The following CCNH variants were observed in gnomAD, a reference collection of about 807,000 sequenced individuals.
CCNH encodes cyclin-H.
Under a neutral mutation model 41.9 loss-of-function variants are expected in CCNH, and 31 were observed. That is an observed-to-expected ratio of 0.74 (90% confidence interval 0.56 to 1.00). The LOEUF is 1.00. Ranked by LOEUF, CCNH falls within the 50% of genes least tolerant of loss-of-function variation. The pLI, the probability that CCNH is intolerant of heterozygous loss-of-function variation, is 0.00. For synonymous variants in CCNH, 138 were observed against 136.1 expected, an observed-to-expected ratio of 1.01 and a Z score of -0.10; for missense variants, 362 against 388.4, an observed-to-expected ratio of 0.93 and a Z score of 0.57.
Position 87,369,873 on chromosome 5 carries a change from T to C in CCNH, c.*90+22897A>G, listed in dbSNP as rs941056921. ...GTGAAGAACATTACATCTTTTACTT[T>C]GCAGGAGAAACTCCAGAACAAGCAG... On this transcript the variant is annotated intron_variant and NMD_transcript_variant, in intron 9 of 9. Coordinates refer to the CCNH transcript ENST00000645953. 2 of 1,611,622 alleles carry C rather than the reference T, an allele frequency of 1.2e-6. No homozygotes were observed. Among genetic ancestry groups the C allele is most frequent in the Non-Finnish European group, 1.7e-6 (2 of 1,178,180 alleles).
intron 9 of CCNH, among the ~76,000 whole-genome samples, chr5:87,321,812 C>T (rs1376021015): frequency 6.6e-6 from 1 of 152,176 alleles, no homozygotes; most frequent in Non-Finnish European, 1.5e-5. Flanking sequence ...TCAGCACTTT[C>T]CCCAATGGGA....
At chr5:87,340,099 T>A (rs77813554) in intron 9 of CCNH, among the ~76,000 whole-genome samples, 112 of 152,276 alleles carry the variant, frequency 7.4e-4, no homozygotes, top group Middle Eastern at 3.4e-3. Flanking sequence ...TTAGTAGGCA[T>A]TCAGAAAATG....
chr5:87,408,948 G>C lies in CCNH; in HGVS notation c.314+342C>G, dbSNP rs3093789. 6.8e-3 allele frequency: 1,181 copies of C among 173,158 alleles called. 17 individuals carry two copies. Among genetic ancestry groups the C allele is most frequent in the African/African-American group, 0.027 (1,143 of 42,146 alleles). 10.7% of individuals were successfully genotyped at this position (173,158 alleles called of 1,614,324 possible). ...AAGCTATAGGATCCGTAAACTGACT[G>C]GATGTGGGAGGGGCCACTATAAATG... is the stretch of plus-strand genomic sequence containing the variant. On this transcript the variant is annotated intron_variant, in intron 3 of 8. Transcript: ENST00000256897.
chr5:87,357,244 A>G (rs185212505), intron 9 of CCNH, among the ~76,000 whole-genome samples: 2 of 151,876 alleles, frequency 1.3e-5, no homozygotes, highest in Non-Finnish European at 2.9e-5. Flanking sequence ...ATAAATATAT[A>G]TATGTTTTAT....
At chr5:87,403,923 G>T (rs549828695) in intron 5 of CCNH, among the ~76,000 whole-genome samples, 1 of 152,312 alleles carries the variant, frequency 6.6e-6, no homozygotes, top group Admixed American at 6.5e-5. Flanking sequence ...GTGCATAGTA[G>T]TACATAGAAG....
chr5:87,362,712 G>A (rs777265063), intron 9 of CCNH: 7 of 1,584,406 alleles, frequency 4.4e-6, no homozygotes, highest in Non-Finnish European at 6.1e-6. Context: ...TGATAGAGAC[G>A]TTGTAAATAT....
intron 7 of CCNH, among the ~76,000 whole-genome samples, chr5:87,396,706 T>C (rs1223010585): frequency 6.6e-6 from 1 of 152,066 alleles, no homozygotes; most frequent in Non-Finnish European, 1.5e-5. Flanking sequence ...GACTGTTAAG[T>C]ATGGAAAGTT....
intron 5 of CCNH, among the ~76,000 whole-genome samples, chr5:87,404,634 G>A (rs1207256707): frequency 6.6e-6 from 1 of 152,064 alleles, no homozygotes; most frequent in African/African-American, 2.4e-5. Flanking sequence ...AGGATCACCT[G>A]GTTTACTTCT....
At chr5:87,375,546 T>C (rs1352268688), downstream of CCNH, among the ~76,000 whole-genome samples, 4 of 152,120 alleles carry the variant, frequency 2.6e-5, no homozygotes, top group African/African-American at 9.7e-5. Context: ...CATTACCATA[T>C]AAGTAAAAAA....
At chr5:87,405,043 G>GGGTTTAAATGGAGTATAACAAC in intron 4 of CCNH, 36 bp from the exon 5 acceptor site, 1 of 1,481,322 alleles carries the variant, frequency 6.8e-7, no homozygotes, top group Non-Finnish European at 9.3e-7. Context: ...CCATTTCTGA[G>GGGTTTAAATGGAGTATAACAAC]GGTTTAAATG....
chr5:87,322,336 A>T (rs1474853871), intron 9 of CCNH, among the ~76,000 whole-genome samples: 1 of 151,796 alleles, frequency 6.6e-6, no homozygotes, highest in East Asian at 1.9e-4. Context: ...AGGAGCGCAA[A>T]CCCTATTGTG....
chr5:87,346,390 T>C (rs1305327786), intron 9 of CCNH, among the ~76,000 whole-genome samples: 1 of 151,966 alleles, frequency 6.6e-6, no homozygotes, highest in Non-Finnish European at 1.5e-5. Flanking sequence ...AAAAGACCTA[T>C]AACAGTCTGT....
intron 9 of CCNH, among the ~76,000 whole-genome samples, chr5:87,324,600 C>T (rs1185103034): frequency 6.6e-6 from 1 of 152,082 alleles, no homozygotes; most frequent in Non-Finnish European, 1.5e-5. Context: ...GCATTTCTGC[C>T]CTTACTTTGA....
chr5:87,370,920 A>G (rs1018481515), intron 9 of CCNH, among the ~76,000 whole-genome samples: 1 of 152,146 alleles, frequency 6.6e-6, no homozygotes, highest in African/African-American at 2.4e-5. Flanking sequence ...CATCTTTATC[A>G]AATATCTCAT....
At chr5:87,366,335 T>C (rs527948165) in intron 9 of CCNH, 14 of 403,456 alleles carry the variant, frequency 3.5e-5, no homozygotes, top group South Asian at 2.0e-4. Context: ...TATTTTGATA[T>C]AGTTTATATG....
rs185781141 is a variant in CCNH at position 87,382,203 on chromosome 5, C to T, written c.*90+10567G>A. 6.3e-3 allele frequency among the ~76,000 whole-genome samples: 963 copies of T among 152,288 alleles called. 5 individuals are homozygous for T. Among genetic ancestry groups the T allele is most frequent in the African/African-American group, 0.014 (580 of 41,566 alleles). ...CTGGCCTCAGGTGGTACACCCACCT[C>T]GGCCTCCCAAAGTGTTGGATTACAG... On this transcript the variant is annotated intron_variant and NMD_transcript_variant, in intron 9 of 9. Transcript: ENST00000645953.
rs1206082381 is a variant in CCNH, at chr5:87,408,156, T to C, written c.345A>G (p.Val115=). 6.2e-7 allele frequency: 1 copy of C among 1,605,120 alleles called. No individual in the cohort carries two copies. The highest frequency in any genetic ancestry group is 8.5e-7 in the Non-Finnish European group (1 of 1,174,664). Residue 115 remains valine, a synonymous_variant, in exon 4 of 9, where the codon GTA becomes GTG. Transcript: ENST00000256897. ...MLTCAFLACK[V]DEFNVSSPQF... Reference sequence around the variant, plus strand: ...GAGGACTAGATACATTGAATTCATCTACTTTGCAGGCCAAAAATGCACAAG... The same window carrying C: ...GAGGACTAGATACATTGAATTCATCCACTTTGCAGGCCAAAAATGCACAAG...
Position 87,353,119 on chromosome 5 carries a change from A to C in CCNH, c.*91-34222T>G, listed in dbSNP as rs759663595. The C allele has an allele frequency of 3.9e-6, 6 of 1,524,580 alleles. No individual in the cohort carries two copies. The South Asian group carries it at 5.7e-5, about 14-fold the overall frequency. 94.4% of individuals were successfully genotyped at this position (1,524,580 alleles called of 1,614,324 possible). A position where few individuals can be genotyped will look rare whatever the true frequency, so the allele number is the denominator to read the frequency against. ...ATATTTTTAAAGATTTTGCAGTTTT[A>C]TGAGACAGATTAATACTAGAAATTT... On this transcript the variant is annotated intron_variant and NMD_transcript_variant, in intron 9 of 9. Coordinates refer to the CCNH transcript ENST00000645953.
At chr5:87,357,803 G>A (rs1759765059) in intron 9 of CCNH, among the ~76,000 whole-genome samples, 1 of 152,150 alleles carries the variant, frequency 6.6e-6, no homozygotes, top group Non-Finnish European at 1.5e-5. Context: ...AATGTGCCTT[G>A]CTCTTGTGTT....
Sources: gnomAD v4.1 joint callset for allele counts (sites outside exome capture counted in the v4.1 genomes callset) on GRCh38, gnomAD v4.1.1 for gene constraint, MANE v1.5 for transcripts, NCBI Gene and HGNC (gene_info 2026-07-23, HGNC 2026-07-21) for gene names.